The following AUTS2 variants were observed in gnomAD, a reference collection of about 807,000 sequenced individuals.
The protein encoded by AUTS2 is autism susceptibility gene 2 protein.
In AUTS2, 17 loss-of-function variants were observed where a neutral mutation model predicts 112.4. The observed-to-expected ratio is 0.15, with a 90% CI of 0.10 to 0.23. AUTS2 has a LOEUF of 0.23. Ranked by LOEUF, AUTS2 falls within the 10% of genes least tolerant of loss-of-function variation. The pLI is 1.00. For synonymous variants in AUTS2, 751 were observed against 702.7 expected, an observed-to-expected ratio of 1.07 and a Z score of -1.09; for missense variants, 1,510 against 1,701.6, an observed-to-expected ratio of 0.89 and a Z score of 1.98.
intron 5 of AUTS2, among the ~76,000 whole-genome samples, chr7:70,685,472 C>CAA (rs34403837): frequency 4.9e-3 from 325 of 65,746 alleles, no homozygotes; most frequent in Middle Eastern, 0.016. Flanking sequence ...GACTCTGTCT[C>CAA]AAAAAAAAAA....
At chr7:70,071,197 T>C (rs55990839) in intron 2 of AUTS2, among the ~76,000 whole-genome samples, 2,177 of 152,280 alleles carry the variant, frequency 0.014, 21 homozygotes, top group Middle Eastern at 0.037. Context: ...GAATTCTGAC[T>C]AGAAGCTCTC....
intron 4 of AUTS2, among the ~76,000 whole-genome samples, chr7:70,239,787 C>A (rs1812513271): frequency 6.6e-6 from 1 of 152,124 alleles, no homozygotes; most frequent in Non-Finnish European, 1.5e-5. Context: ...ATGAATCATA[C>A]CACTTGGAAT....
intron 2 of AUTS2, among the ~76,000 whole-genome samples, chr7:70,096,944 A>C (rs774021818): frequency 6.6e-6 from 1 of 152,184 alleles, no homozygotes; most frequent in Non-Finnish European, 1.5e-5. Context: ...CAGCATTTAC[A>C]CCAAGCTTTG....
At chr7:69,812,697 C>A (rs1790594930) in intron 1 of AUTS2, among the ~76,000 whole-genome samples, 1 of 152,010 alleles carries the variant, frequency 6.6e-6, no homozygotes, top group African/African-American at 2.4e-5. Context: ...AACTTGAGGG[C>A]TCCAGATTTA....
At chr7:70,439,646 G>GA (rs1796045075) in intron 5 of AUTS2, among the ~76,000 whole-genome samples, 1 of 151,484 alleles carries the variant, frequency 6.6e-6, no homozygotes, top group Non-Finnish European at 1.5e-5. Context: ...TGAGAGCTAA[G>GA]AAAAGAGGCA....
At chr7:69,817,824 A>G (rs1373886324) in intron 1 of AUTS2, among the ~76,000 whole-genome samples, 2 of 152,178 alleles carry the variant, frequency 1.3e-5, no homozygotes, top group African/African-American at 2.4e-5. Context: ...CTGGACCCCA[A>G]CAGGATGCAC....
intron 4 of AUTS2, among the ~76,000 whole-genome samples, chr7:70,266,765 G>A (rs1013730863): frequency 1.3e-5 from 2 of 152,162 alleles, no homozygotes; most frequent in African/African-American, 4.8e-5. Flanking sequence ...ACTGAAATCA[G>A]TGCCATTTTC....
chr7:70,311,887 T>C (rs1789771398), intron 4 of AUTS2, among the ~76,000 whole-genome samples: 5 of 152,236 alleles, frequency 3.3e-5, no homozygotes, highest in Admixed American at 3.3e-4. Flanking sequence ...GGCTAATTTT[T>C]GTATTTTTAG....
intron 6 of AUTS2, chr7:70,729,226 C>T (rs1787218131): frequency 6.6e-6 from 3 of 456,298 alleles, no homozygotes. Flanking sequence ...TTAAAGGTAC[C>T]ATGGCTGGGC....
At chr7:70,448,330 T>C (rs1796400122) in intron 5 of AUTS2, among the ~76,000 whole-genome samples, 1 of 152,164 alleles carries the variant, frequency 6.6e-6, no homozygotes, top group Admixed American at 6.5e-5. Flanking sequence ...ATAAAGTGAG[T>C]TGTACCTTCA....
At chr7:69,923,310 T>C (rs1402096884) in intron 2 of AUTS2, among the ~76,000 whole-genome samples, 1 of 152,202 alleles carries the variant, frequency 6.6e-6, no homozygotes, top group African/African-American at 2.4e-5. Context: ...TGAGTTTATT[T>C]CTATACTCTC....
chr7:69,836,871 C>T (rs1273530578), intron 1 of AUTS2, among the ~76,000 whole-genome samples: 1 of 152,108 alleles, frequency 6.6e-6, no homozygotes, highest in Non-Finnish European at 1.5e-5. Flanking sequence ...GGATGATAGC[C>T]ATAGTTTGTA....
intron 2 of AUTS2, among the ~76,000 whole-genome samples, chr7:69,979,397 TAG>T (rs1798199448): frequency 6.6e-6 from 1 of 152,234 alleles, no homozygotes; most frequent in African/African-American, 2.4e-5. Context: ...AGACCATTCA[TAG>T]TTTTGACAGC....
In AUTS2 at chr7:69,602,018, G is replaced by GTATATATATATATATATATATA. The variant is rs765066810; in HGVS notation, c.309+2057_309+2058insATATATATATATATATATATAT. On this transcript the variant is annotated intron_variant, in intron 1 of 18. Coordinates refer to ENST00000342771, the MANE Select transcript of AUTS2 (RefSeq NM_015570.4). ...AGGACAAGTAGGGATATATGTGTGT[G>GTATATATATATATATATATATA]TGTATATATATATATATATATATGT... Among the ~76,000 whole-genome samples the GTATATATATATATATATATATA allele has an allele frequency of 1.1e-3, 26 of 23,032 alleles. 2 individuals carry two copies. The highest frequency in any genetic ancestry group is 3.0e-3 in the East Asian group (2 of 676). The allele number at this position is 23,032 out of a possible 152,430, so 15.1% of individuals were successfully genotyped here.
At chr7:70,700,148 TC>T (rs1017763042) in intron 6 of AUTS2, among the ~76,000 whole-genome samples, 2 of 150,616 alleles carry the variant, frequency 1.3e-5, no homozygotes, top group Admixed American at 6.6e-5. Flanking sequence ...TCTGGTTCTT[TC>T]CCCCCCTTTT....
At chr7:70,249,912 T>A (rs934390033) in intron 4 of AUTS2, among the ~76,000 whole-genome samples, 1 of 147,828 alleles carries the variant, frequency 6.8e-6, no homozygotes, top group Admixed American at 6.9e-5. Flanking sequence ...TAAGTAAAAT[T>A]TTATTTTACT....
In AUTS2 at chr7:70,686,068, T is replaced by A. The variant is rs566931753; in HGVS notation, c.691-12501T>A. 4.2e-4 allele frequency among the ~76,000 whole-genome samples: 64 copies of A among 152,320 alleles called. No homozygotes were observed. In the South Asian group the frequency reaches 0.013, roughly 32 times the overall value. On this transcript the variant is annotated intron_variant, in intron 5 of 18. Coordinates refer to ENST00000342771, the MANE Select transcript of AUTS2 (RefSeq NM_015570.4). ...TTTCATAGTAAGCTCCTGTCTGGGA[T>A]CCTCACCTGTCAACAGACCTTACAG...
intron 1 of AUTS2, among the ~76,000 whole-genome samples, chr7:69,697,348 G>T (rs913231332): frequency 9.2e-5 from 14 of 152,202 alleles, no homozygotes; most frequent in African/African-American, 2.9e-4. Context: ...AAATATTTAT[G>T]TACTGTATCC....
At chr7:69,749,790 A>G (rs1224466538) in intron 1 of AUTS2, among the ~76,000 whole-genome samples, 1 of 152,240 alleles carries the variant, frequency 6.6e-6, no homozygotes, top group African/African-American at 2.4e-5. Flanking sequence ...CACAAAAATA[A>G]ATAACAGCAA....
Sources: allele counts gnomAD v4.1 joint callset (sites outside exome capture counted in the v4.1 genomes callset), GRCh38; gene constraint gnomAD v4.1.1; transcripts MANE v1.5; gene names NCBI Gene and HGNC (gene_info 2026-07-23, HGNC 2026-07-21).